Variants in NARS2 observed in about 807,000 individuals in gnomAD.
The protein encoded by NARS2 is asparaginyl-tRNA synthetase 2, mitochondrial.
A neutral mutation model predicts 62.9 loss-of-function variants in NARS2; 60 were observed. That is an observed-to-expected ratio of 0.95 (90% CI 0.77 to 1.18). The LOEUF (loss-of-function observed/expected upper bound fraction) is 1.18, where lower values mean the gene tolerates loss of function less well. Among genes scored for constraint, NARS2 ranks in the 50% most tolerant of loss-of-function variants. The pLI is 0.00. For synonymous variants in NARS2, 196 were observed against 200.0 expected, an observed-to-expected ratio of 0.98 and a Z score of 0.17; for missense variants, 619 against 576.4, an observed-to-expected ratio of 1.07 and a Z score of -0.76.
rs1368239883 is a variant in NARS2 at position 78,478,652 on chromosome 11, ATTG to A, written c.851_853del (p.Thr284del). 5 of 1,611,924 alleles carry A rather than the reference ATTG, an allele frequency of 3.1e-6. No individual in the cohort carries two copies. The highest frequency in any genetic ancestry group is 2.2e-5 in the East Asian group (1 of 44,762). On this transcript the variant is annotated inframe_deletion, in exon 8 of 14. Transcript: ENST00000281038. ...TTCAGGACATTTTGAGAGAACCATC[ATTG>A]TTGTAGCCTTGAACAGTTCCTCTAT...
At chr11:78,443,485 G>A (rs1340257462) in intron 12 of NARS2, among the ~76,000 whole-genome samples, 176 bp downstream of exon 12, 1 of 152,134 alleles carries the variant, frequency 6.6e-6, no homozygotes, top group East Asian at 1.9e-4. Context: ...TTCCATTCCT[G>A]AAGAACGGGA....
At chr11:78,487,354 T>TAAA (rs764364438) in intron 7 of NARS2, among the ~76,000 whole-genome samples, 5 of 92,382 alleles carry the variant, frequency 5.4e-5, no homozygotes, top group Non-Finnish European at 1.1e-4. Flanking sequence ...AGGCTCTGTC[T>TAAA]AAAAAAAAAA....
rs1035101172 is a variant in NARS2 at position 78,559,538 on chromosome 11, C to A, written c.594+1G>T. The A allele has an allele frequency of 6.2e-7, 1 of 1,600,316 alleles. No homozygotes were observed. Among genetic ancestry groups the A allele is most frequent in the Admixed American group, 1.7e-5 (1 of 59,976 alleles). On this transcript the variant is annotated splice_donor_variant, in intron 5 of 13. Coordinates refer to ENST00000281038, the MANE Select transcript of NARS2 (RefSeq NM_024678.6). LOFTEE classifies it high-confidence loss of function. ...CCCTCAAGATGGGAAGCAAAACTTACTTCAAGTTGAAAAAGTTCTCCAGCT... is the reference window on the plus strand; with the variant it reads ...CCCTCAAGATGGGAAGCAAAACTTAATTCAAGTTGAAAAAGTTCTCCAGCT...
intron 12 of NARS2, among the ~76,000 whole-genome samples, chr11:78,442,123 C>T (rs1160718994): frequency 2.0e-5 from 3 of 152,108 alleles, no homozygotes; most frequent in Non-Finnish European, 2.9e-5. Context: ...TTTAATGTTA[C>T]GAGGAAAGGT....
intron 7 of NARS2, among the ~76,000 whole-genome samples, chr11:78,487,032 T>C (rs1859604026): frequency 1.3e-5 from 2 of 151,958 alleles, no homozygotes; most frequent in Admixed American, 1.3e-4. Context: ...GACAGTTCAG[T>C]TGAAATGCCC....
intron 7 of NARS2, 123 bp from the exon 8 acceptor site, chr11:78,478,806 C>T (rs554489020): frequency 3.8e-5 from 18 of 476,694 alleles, no homozygotes; most frequent in Middle Eastern, 4.5e-4. Flanking sequence ...TCTTTTAATC[C>T]TTGAATGTAC....
intron 7 of NARS2, among the ~76,000 whole-genome samples, chr11:78,489,813 G>A (rs989605221): frequency 1.3e-5 from 2 of 152,136 alleles, no homozygotes; most frequent in South Asian, 2.1e-4. Context: ...AACACTTTAG[G>A]AGGCTGAGAG....
At chr11:78,489,199 G>C (rs753870754) in intron 7 of NARS2, among the ~76,000 whole-genome samples, 5 of 151,864 alleles carry the variant, frequency 3.3e-5, no homozygotes. Flanking sequence ...ATCCAACAAG[G>C]AACTAGTAGC....
At chr11:78,552,817 CAT>C (rs1856177662) in intron 5 of NARS2, among the ~76,000 whole-genome samples, 1 of 152,230 alleles carries the variant, frequency 6.6e-6, no homozygotes, top group South Asian at 2.1e-4. Flanking sequence ...ACCTTGGGCA[CAT>C]GTCATCAGGG....
rs73504928 is a variant in NARS2 at position 78,452,647 on chromosome 11, G to A, written c.1165-8889C>T. On this transcript the variant is annotated intron_variant, in intron 11 of 13. Transcript: ENST00000281038. ...TGGTCTCAAACTCCTTGGCTCAAGC[G>A]ATCTTCCTGCTTCTACCTCCCAAAG... is the stretch of plus-strand genomic sequence containing the variant. Among the ~76,000 whole-genome samples the A allele has an allele frequency of 5.6e-3, 848 of 152,096 alleles. 6 individuals carry two copies. The highest frequency in any genetic ancestry group is 0.02 in the African/African-American group (814 of 41,482).
intron 11 of NARS2, among the ~76,000 whole-genome samples, chr11:78,454,462 G>A (rs1858082675): frequency 1.3e-5 from 2 of 152,058 alleles, no homozygotes; most frequent in Admixed American, 6.6e-5. Flanking sequence ...CTTGCTCTCT[G>A]TTTTGCTGTG....
chr11:78,564,669 T>C (rs919014235), intron 4 of NARS2, among the ~76,000 whole-genome samples: 5 of 152,198 alleles, frequency 3.3e-5, no homozygotes, highest in African/African-American at 1.2e-4. Context: ...TGAAGCCATG[T>C]GGTTAAAAAA....
chr11:78,476,496 C>A (rs935139691), intron 9 of NARS2, among the ~76,000 whole-genome samples: 2 of 152,236 alleles, frequency 1.3e-5, no homozygotes, highest in African/African-American at 4.8e-5. Context: ...ATTGCTCCTA[C>A]CCTTCTAATG....
At chr11:78,462,832 T>C (rs1024852737) in intron 11 of NARS2, among the ~76,000 whole-genome samples, 3 of 152,166 alleles carry the variant, frequency 2.0e-5, no homozygotes, top group Non-Finnish European at 4.4e-5. Context: ...TAACCCTGTA[T>C]ACCTGACAGG....
chr11:78,521,854 G>T (rs567688948), intron 6 of NARS2, among the ~76,000 whole-genome samples: 1 of 149,654 alleles, frequency 6.7e-6, no homozygotes, highest in South Asian at 2.1e-4. Flanking sequence ...AGTTTTTGCA[G>T]ATCACAGTTC....
chr11:78,567,131 C>A (rs1856769828), intron 3 of NARS2, among the ~76,000 whole-genome samples: 1 of 152,100 alleles, frequency 6.6e-6, no homozygotes, highest in Non-Finnish European at 1.5e-5. Context: ...GAAGATGAAG[C>A]CATCAACACC....
intron 5 of NARS2, chr11:78,546,614 G>C (rs1486995373): frequency 6.6e-6 from 1 of 152,180 alleles, no homozygotes; most frequent in Non-Finnish European, 1.5e-5. Context: ...AATATTAATT[G>C]ATAAAAGGAA....
chr11:78,550,633 G>A (rs1037691679), intron 5 of NARS2, among the ~76,000 whole-genome samples: 2 of 152,286 alleles, frequency 1.3e-5, no homozygotes, highest in Admixed American at 6.5e-5. Context: ...CTAGGATGCA[G>A]GGAAAGGAGA....
intron 12 of NARS2, among the ~76,000 whole-genome samples, chr11:78,442,921 T>G (rs1857619318): frequency 6.6e-6 from 1 of 152,224 alleles, no homozygotes; most frequent in South Asian, 2.1e-4. Context: ...TCTGACTAGT[T>G]TTCTTTCCCC....
Sources: gnomAD v4.1 joint callset for allele counts (sites outside exome capture counted in the v4.1 genomes callset) on GRCh38, gnomAD v4.1.1 for gene constraint, MANE v1.5 for transcripts, NCBI Gene and HGNC (gene_info 2026-07-23, HGNC 2026-07-21) for gene names.